The following DOP1A variants were observed in gnomAD, a reference collection of about 807,000 sequenced individuals.
The protein encoded by DOP1A is protein DOP1A.
DOP1A carries 90 observed loss-of-function variants against 267.6 expected under a neutral mutation model. The observed-to-expected ratio is 0.34, with a 90% CI of 0.28 to 0.40. The LOEUF (loss-of-function observed/expected upper bound fraction) is 0.40. DOP1A is among the 10% of genes least tolerant of loss of function. DOP1A has a pLI of 1.00. For missense variants in DOP1A, 2,437 were observed against 2,900.4 expected, an observed-to-expected ratio of 0.84 and a Z score of 3.67; for synonymous variants, 932 against 999.1, an observed-to-expected ratio of 0.93 and a Z score of 1.27.
At chr6:83,084,614 G>T (rs1394272246) in intron 1 of DOP1A, among the ~76,000 whole-genome samples, 1 of 152,054 alleles carries the variant, frequency 6.6e-6, no homozygotes, top group South Asian at 2.1e-4. Context: ...ACAGAGTCTT[G>T]CTTTGTAGCC....
intron 15 of DOP1A, 65 bp from the exon 16 acceptor site, chr6:83,128,822 A>G (rs1049645041): frequency 6.0e-6 from 9 of 1,491,738 alleles, no homozygotes; most frequent in Admixed American, 2.4e-5. Flanking sequence ...AAAAGTGGTC[A>G]TTTCTAATTC....
At chr6:83,112,297 A>T (rs74636523) in intron 6 of DOP1A, among the ~76,000 whole-genome samples, 301 of 152,180 alleles carry the variant, frequency 2.0e-3, no homozygotes, top group Middle Eastern at 0.01. Flanking sequence ...GATGATCAAC[A>T]TTGTAATAAA....
chr6:83,073,911 A>G (rs1786030596), intron 1 of DOP1A, among the ~76,000 whole-genome samples: 2 of 152,216 alleles, frequency 1.3e-5, no homozygotes. Flanking sequence ...TAGAGATATC[A>G]AAGTGGGAGC....
intron 1 of DOP1A, among the ~76,000 whole-genome samples, chr6:83,085,571 C>A (rs1414103385): frequency 6.6e-6 from 1 of 152,022 alleles, no homozygotes; most frequent in African/African-American, 2.4e-5. Flanking sequence ...ATAGCAAGAA[C>A]AAAATGCCTA....
chr6:83,120,793 T>C lies in DOP1A; in HGVS notation c.1099+2T>C. On this transcript the variant is annotated splice_donor_variant, in intron 10 of 38. Transcript: ENST00000349129. LOFTEE classifies it high-confidence loss of function. Reference sequence around the variant, plus strand: ...GTTTACTGGACAAACCTGAGCTAGGTAATGTATACTGTCCTAGGGCATAAG... The same window carrying C: ...GTTTACTGGACAAACCTGAGCTAGGCAATGTATACTGTCCTAGGGCATAAG... 1.9e-6 allele frequency: 3 copies of C among 1,558,466 alleles called. No individual in the cohort carries two copies. Among genetic ancestry groups the C allele is most frequent in the Non-Finnish European group, 2.6e-6 (3 of 1,140,730 alleles).
chr6:83,159,284 C>CT (rs1448782569), intron 36 of DOP1A, among the ~76,000 whole-genome samples: 6 of 151,644 alleles, frequency 4.0e-5, no homozygotes, highest in Non-Finnish European at 7.4e-5. Flanking sequence ...TTATGTACTA[C>CT]TTTTTTTTAG....
chr6:83,099,715 C>CATAT (rs67469209), intron 3 of DOP1A, among the ~76,000 whole-genome samples: 1 of 147,040 alleles, frequency 6.8e-6, no homozygotes, highest in Non-Finnish European at 1.5e-5. Flanking sequence ...TGTGTATATA[C>CATAT]ATATATATAT....
intron 1 of DOP1A, chr6:83,072,958 G>GA: frequency 2.8e-6 from 1 of 355,332 alleles, no homozygotes; most frequent in Non-Finnish European, 5.6e-6. Context: ...GCTGGCCTGT[G>GA]AAAAAATAGA....
intron 12 of DOP1A, 53 bp from the exon 13 acceptor site, chr6:83,124,652 G>A: frequency 8.0e-7 from 1 of 1,248,642 alleles, no homozygotes; most frequent in Non-Finnish European, 1.2e-6. Context: ...TGCTGTCACA[G>A]GTATTCACAT....
At position 83,135,896 on chromosome 6, in the gene DOP1A, G is replaced by T. The variant is rs374696653; in HGVS notation, c.3130+18G>T. 8.1e-5 allele frequency: 131 copies of T among 1,609,964 alleles called. No individual in the cohort carries two copies. Among genetic ancestry groups the T allele is most frequent in the Non-Finnish European group, 1.1e-4 (128 of 1,177,720 alleles). On this transcript the variant is annotated intron_variant, in intron 20 of 38. Coordinates refer to ENST00000349129, the MANE Select transcript of DOP1A (RefSeq NM_015018.4). ...CAGCAATGGTGAATAACACATAGAA[G>T]TAGACAGCTTTATTTAGAATTATTA...
intron 18 of DOP1A, 122 bp downstream of exon 18, chr6:83,132,450 G>A: frequency 9.0e-7 from 1 of 1,116,246 alleles, no homozygotes; most frequent in Non-Finnish European, 1.2e-6. Context: ...AGAGAAAATA[G>A]CTTTGTTCAC....
At position 83,138,979 on chromosome 6, in the gene DOP1A, G is replaced by A. The variant is rs553551424; in HGVS notation, c.4937G>A (p.Arg1646Gln). 1.6e-5 allele frequency: 26 copies of A among 1,614,072 alleles called. No homozygotes were observed. Among genetic ancestry groups the A allele is most frequent in the African/African-American group, 2.7e-5 (2 of 75,040 alleles). ...CQGMFLCAVI[R>Q]ALHQHCACKM... ...GGCATGTTCCTCTGTGCAGTGATAC[G>A]AGCTTTGCATCAGCACTGTGCATGT... Residue 1646 changes from arginine to glutamine, a missense_variant, in exon 21 of 39, where the codon CGA becomes CAA. Transcript: ENST00000349129.
At chr6:83,082,212 A>G (rs1294981545) in intron 1 of DOP1A, among the ~76,000 whole-genome samples, 1 of 152,190 alleles carries the variant, frequency 6.6e-6, no homozygotes, top group Non-Finnish European at 1.5e-5. Context: ...TCAAAGAGAG[A>G]AGTGCACATA....
In DOP1A at chr6:83,140,095, C is replaced by A; in HGVS notation, c.5216C>A (p.Thr1739Asn). 2 of 1,612,774 alleles carry A rather than the reference C, an allele frequency of 1.2e-6. No homozygotes were observed. The highest frequency in any genetic ancestry group is 3.3e-4 in the Middle Eastern group (2 of 6,058). ...ATCCATTACTGTTTGTTGGATCCAA[C>A]TACACAGTATCACCAAGTAAGACTG... ...AIIHYCLLDP[T>N]TQYHQLLVSV... Residue 1739 changes from threonine to asparagine, a missense_variant, in exon 22 of 39, where the codon ACT (threonine) becomes AAT (asparagine). Transcript: ENST00000349129.
intron 30 of DOP1A, among the ~76,000 whole-genome samples, chr6:83,153,047 T>C (rs1782042383): frequency 6.6e-6 from 1 of 152,208 alleles, no homozygotes; most frequent in African/African-American, 2.4e-5. Context: ...TTGTTTCCTC[T>C]TTGCAGATGT....
In DOP1A at chr6:83,110,202, T is replaced by C; in HGVS notation, c.569T>C (p.Leu190Pro). ...AFYSALWGSL[L>P]TSPAVRLPGI... ...TACAGTGCCCTGTGGGGTAGTCTTCTCACCAGTCCTGCTGTGCGTTTACCT... is the reference window on the plus strand; with the variant it reads ...TACAGTGCCCTGTGGGGTAGTCTTCCCACCAGTCCTGCTGTGCGTTTACCT... The change falls in exon 6 of 39, where the codon CTC becomes CCC. Residue 190 changes from leucine (L) to proline (P), a missense_variant. This residue lies in a region of DOP1A where 251 missense variants were observed against 359.1 expected (regional missense o/e 0.70). Coordinates refer to ENST00000349129, the MANE Select transcript of DOP1A (RefSeq NM_015018.4). The C allele has an allele frequency of 1.2e-6, 2 of 1,614,034 alleles. No individual in the cohort carries two copies. The highest frequency in any genetic ancestry group is 1.3e-5 in the African/African-American group (1 of 75,040).
At chr6:83,096,648 A>T in intron 1 of DOP1A, 83 bp from the exon 2 acceptor site, 1 of 409,568 alleles carries the variant, frequency 2.4e-6, no homozygotes, top group Non-Finnish European at 4.3e-6. Context: ...GAGAAATAAC[A>T]TGATTCTAAA....
intron 24 of DOP1A, among the ~76,000 whole-genome samples, chr6:83,143,662 G>A (rs1779987859): frequency 6.6e-6 from 1 of 152,116 alleles, no homozygotes; most frequent in South Asian, 2.1e-4. Flanking sequence ...ATATTTTTAG[G>A]AGGGTTGGAA....
chr6:83,079,682 TTTAA>T (rs1251084164), intron 1 of DOP1A, among the ~76,000 whole-genome samples: 2 of 152,264 alleles, frequency 1.3e-5, no homozygotes, highest in Admixed American at 6.5e-5. Flanking sequence ...TTAATATGGG[TTTAA>T]TTATGCTGTA....
Sources: gnomAD v4.1 joint callset for allele counts (sites outside exome capture counted in the v4.1 genomes callset) on GRCh38, gnomAD v4.1.1 for gene constraint, gnomAD v4.1.1 regional missense constraint, MANE v1.5 for transcripts, NCBI Gene and HGNC (gene_info 2026-07-23, HGNC 2026-07-21) for gene names.